Variants in ANKS1A observed in about 807,000 individuals in gnomAD.
The protein encoded by ANKS1A is ankyrin repeat and SAM domain-containing protein 1A.
In ANKS1A, 55 loss-of-function variants were observed where a neutral mutation model predicts 120.3. The ratio of observed to expected loss-of-function variants is 0.46; its 90% CI spans 0.37 to 0.57. The LOEUF (loss-of-function observed/expected upper bound fraction) is 0.57, where lower values mean the gene tolerates loss of function less well. Among genes scored for constraint, ANKS1A ranks in the 20% least tolerant of loss-of-function variants. ANKS1A has a pLI of 0.00. For synonymous variants in ANKS1A, 590 were observed against 604.7 expected, an observed-to-expected ratio of 0.98 and a Z score of 0.36; for missense variants, 1,123 against 1,480.3, an observed-to-expected ratio of 0.76 and a Z score of 3.96.
intron 1 of ANKS1A, among the ~76,000 whole-genome samples, chr6:34,891,599 A>G (rs538909509): frequency 4.6e-5 from 7 of 152,058 alleles, no homozygotes; most frequent in Non-Finnish European, 1.0e-4. Context: ...GAAGTTTCTC[A>G]TATCTCCCAC....
intron 1 of ANKS1A, among the ~76,000 whole-genome samples, chr6:34,898,002 A>T (rs1767175634): frequency 6.6e-6 from 1 of 152,174 alleles, no homozygotes; most frequent in South Asian, 2.1e-4. Context: ...CTTCATATAT[A>T]TAATGGGCCT....
intron 1 of ANKS1A, among the ~76,000 whole-genome samples, chr6:34,951,533 T>C (rs1770092741): frequency 6.6e-6 from 1 of 152,218 alleles, no homozygotes; most frequent in Admixed American, 6.5e-5. Flanking sequence ...ACATGTGGAA[T>C]ACTGTTTTTG....
intron 10 of ANKS1A, among the ~76,000 whole-genome samples, chr6:35,003,991 A>G (rs1297849142): frequency 1.3e-5 from 2 of 152,226 alleles, no homozygotes; most frequent in African/African-American, 4.8e-5. Context: ...CTGGTAGTTA[A>G]AATTCCACCC....
chr6:34,905,114 G>A (rs1435186911), intron 1 of ANKS1A, among the ~76,000 whole-genome samples: 3 of 152,222 alleles, frequency 2.0e-5, no homozygotes, highest in Non-Finnish European at 2.9e-5. Flanking sequence ...CCCGGTCAAC[G>A]TCTGATTTTC....
chr6:34,980,402 C>T (rs772391788), intron 3 of ANKS1A, among the ~76,000 whole-genome samples: 4 of 152,190 alleles, frequency 2.6e-5, no homozygotes, highest in Admixed American at 6.5e-5. Flanking sequence ...TTCCCAGCAG[C>T]TGTGGATCTT....
chr6:34,905,873 G>A (rs534576308), intron 1 of ANKS1A, among the ~76,000 whole-genome samples: 1 of 152,258 alleles, frequency 6.6e-6, no homozygotes, highest in Non-Finnish European at 1.5e-5. Context: ...TGGATCACTG[G>A]GGTCTGGCAA....
chr6:34,906,014 T>C (rs1767628646), intron 1 of ANKS1A, among the ~76,000 whole-genome samples: 1 of 152,188 alleles, frequency 6.6e-6, no homozygotes, highest in African/African-American at 2.4e-5. Flanking sequence ...GAGTGCATAC[T>C]GGCTCTGGGG....
chr6:35,060,139 C>T lies in ANKS1A; in HGVS notation c.2078-8C>T, dbSNP rs748714238. 1.9e-6 allele frequency: 3 copies of T among 1,611,616 alleles called. No individual in the cohort carries two copies. In the South Asian group the frequency reaches 3.3e-5, roughly 18 times the overall value. ...TTTTCAAGCGTCTGCCGATTCCTCT[C>T]TCATCAGGTTTACGGACGCTGGAGC... On this transcript the variant is annotated splice_region_variant and splice_polypyrimidine_tract_variant and intron_variant, in intron 12 of 23. Coordinates refer to ENST00000360359, the MANE Select transcript of ANKS1A (RefSeq NM_015245.3). The surrounding 1 kb of genome is among the most constrained non-coding windows in gnomAD (Gnocchi z 4.5).
At chr6:35,077,962 C>T (rs1777456700) in intron 13 of ANKS1A, among the ~76,000 whole-genome samples, 1 of 152,212 alleles carries the variant, frequency 6.6e-6, no homozygotes, top group South Asian at 2.1e-4. Context: ...CCGTGTGCCT[C>T]TCCACCCTCA....
chr6:35,032,821 C>T (rs903002497), intron 11 of ANKS1A, among the ~76,000 whole-genome samples: 1 of 152,068 alleles, frequency 6.6e-6, no homozygotes, highest in Admixed American at 6.5e-5. Flanking sequence ...GAATAATTTG[C>T]TTCATAGATG....
chr6:35,033,358 C>T (rs548948784), intron 11 of ANKS1A, among the ~76,000 whole-genome samples: 54 of 152,298 alleles, frequency 3.5e-4, no homozygotes, highest in Admixed American at 5.9e-4. Context: ...ACAGCCATTA[C>T]GGGCTTTACA....
In ANKS1A at chr6:34,979,312, T is replaced by C. The variant is rs147580601; in HGVS notation, c.436-2378T>C. Among the ~76,000 whole-genome samples the C allele has an allele frequency of 2.2e-3, 332 of 152,308 alleles. 1 individual carries two copies. Among genetic ancestry groups the C allele is most frequent in the Non-Finnish European group, 3.7e-3 (253 of 68,026 alleles). On this transcript the variant is annotated intron_variant, in intron 3 of 23. Transcript: ENST00000360359. Reference sequence around the variant, plus strand: ...AAAAGCCTACAGTAATAAGAGCTTATCGTGATGGCTTGTGTCAGTGATGGA... The same window carrying C: ...AAAAGCCTACAGTAATAAGAGCTTACCGTGATGGCTTGTGTCAGTGATGGA...
chr6:35,056,524 C>G (rs920100260), intron 12 of ANKS1A, among the ~76,000 whole-genome samples: 1 of 152,096 alleles, frequency 6.6e-6, no homozygotes. Context: ...TCCTGACCTC[C>G]TGATCCACCC....
At chr6:34,967,142 C>G in intron 1 of ANKS1A, 97 bp from the exon 2 acceptor site, 1 of 1,206,292 alleles carries the variant, frequency 8.3e-7, no homozygotes, top group Non-Finnish European at 1.2e-6. Context: ...TTGAACACCA[C>G]ACAGAAATCT....
intron 1 of ANKS1A, among the ~76,000 whole-genome samples, chr6:34,910,630 G>A (rs946858581): frequency 2.0e-5 from 3 of 151,954 alleles, no homozygotes; most frequent in African/African-American, 7.3e-5. Context: ...GGAAGCTGAG[G>A]TGGGCAGATC....
chr6:34,976,737 A>T (rs1292656455), intron 3 of ANKS1A, among the ~76,000 whole-genome samples: 1 of 151,092 alleles, frequency 6.6e-6, no homozygotes, highest in African/African-American at 2.4e-5. Context: ...TACAGTGTTA[A>T]CATTTTGCTA....
intron 3 of ANKS1A, chr6:34,972,779 CT>C (rs1440071066): frequency 3.4e-6 from 1 of 295,156 alleles, no homozygotes. Context: ...AGTCCATCTG[CT>C]TTTGGCTTGT....
intron 8 of ANKS1A, among the ~76,000 whole-genome samples, chr6:34,986,004 C>A (rs1424292899): frequency 6.6e-6 from 1 of 152,162 alleles, no homozygotes; most frequent in Admixed American, 6.5e-5. Flanking sequence ...GGCAATACAC[C>A]TAACCTACCA....
intron 10 of ANKS1A, among the ~76,000 whole-genome samples, chr6:34,996,053 GTA>G (rs1772836191): frequency 6.6e-6 from 1 of 152,162 alleles, no homozygotes; most frequent in Admixed American, 6.5e-5. Context: ...CATCAGAAGT[GTA>G]TGAGAGTGAT....
Sources: gnomAD v4.1 joint callset for allele counts (sites outside exome capture counted in the v4.1 genomes callset) on GRCh38, gnomAD v4.1.1 for gene constraint, Gnocchi (gnomAD v3.1) non-coding constraint, MANE v1.5 for transcripts, NCBI Gene and HGNC (gene_info 2026-07-23, HGNC 2026-07-21) for gene names.